Variants in NFATC3 observed in about 807,000 individuals in gnomAD.
The protein encoded by NFATC3 is nuclear factor of activated T cells 3.
In NFATC3, 46 loss-of-function variants were observed where a neutral mutation model predicts 98.6. The ratio of observed to expected loss-of-function variants is 0.47; its 90% CI spans 0.37 to 0.60. NFATC3 has a LOEUF of 0.60. NFATC3 is among the 20% of genes least tolerant of loss of function. NFATC3 has a pLI of 0.00. For synonymous variants in NFATC3, 512 were observed against 472.2 expected (o/e 1.08, Z -1.09); for missense variants, 1,256 against 1,295.5 (o/e 0.97, Z 0.47).
rs61516482 is a variant in NFATC3, at chr16:68,151,279, CTA to C, written c.1402-6587_1402-6586del. 4.7e-3 allele frequency among the ~76,000 whole-genome samples: 708 copies of C among 152,100 alleles called. 8 individuals are homozygous for C. The highest frequency in any genetic ancestry group is 0.016 in the African/African-American group (675 of 41,482). ...GACGCTTACACATGCTTGATAATGACTATAGAAGACACAGTGAAGTAGTTGGA... is the reference window on the plus strand; with the variant it reads ...GACGCTTACACATGCTTGATAATGACTAGAAGACACAGTGAAGTAGTTGGA... On this transcript the variant is annotated intron_variant, in intron 3 of 9. Coordinates refer to ENST00000346183, the MANE Select transcript of NFATC3 (RefSeq NM_173165.3).
intron 5 of NFATC3, among the ~76,000 whole-genome samples, chr16:68,171,498 G>C (rs2039459079): frequency 1.3e-5 from 2 of 148,384 alleles, no homozygotes; most frequent in South Asian, 4.3e-4. Flanking sequence ...TCTTGAGACA[G>C]AGTCTCACTC....
rs1363233475 is a variant in NFATC3 at position 68,183,337 on chromosome 16, G to A, written c.2069G>A (p.Ser690Asn). The A allele has an allele frequency of 1.2e-6, 2 of 1,613,584 alleles. No individual in the cohort carries two copies. Among genetic ancestry groups the A allele is most frequent in the South Asian group, 1.1e-5 (1 of 91,062 alleles). ...FYLCNGKRKK[S>N]QSQRFTYTPV... Reference sequence around the variant, plus strand: ...CTTTGCAATGGCAAGAGGAAAAAAAGCCAGTCTCAACGTTTTACTTATACA... The same window carrying A: ...CTTTGCAATGGCAAGAGGAAAAAAAACCAGTCTCAACGTTTTACTTATACA... The change falls in exon 8 of 10, where the codon AGC becomes AAC. Residue 690 changes from serine to asparagine, a missense_variant. Ser to Asn is a conservative substitution (Grantham distance 46, BLOSUM62 1). This residue lies in a region of NFATC3 where 636 missense variants were observed against 617.3 expected (regional missense o/e 1.03). Coordinates refer to ENST00000346183, the MANE Select transcript of NFATC3 (RefSeq NM_173165.3).
At chr16:68,164,304 T>G (rs2039077389) in intron 4 of NFATC3, among the ~76,000 whole-genome samples, 1 of 152,038 alleles carries the variant, frequency 6.6e-6, no homozygotes, top group African/African-American at 2.4e-5. Flanking sequence ...GGCAGGAGAA[T>G]CAGGCAGGGA....
chr16:68,135,760 G>A (rs1372046445), intron 3 of NFATC3, among the ~76,000 whole-genome samples: 1 of 151,946 alleles, frequency 6.6e-6, no homozygotes, highest in African/African-American at 2.4e-5. Context: ...AATAATGTTT[G>A]GGTTTTAGAA....
At chr16:68,169,581 A>T (rs796651344) in intron 5 of NFATC3, among the ~76,000 whole-genome samples, 1 of 152,162 alleles carries the variant, frequency 6.6e-6, no homozygotes, top group Non-Finnish European at 1.5e-5. Flanking sequence ...ATTTAAGTTC[A>T]TAGAGTAGTT....
chr16:68,221,196 A>T, intron 9 of NFATC3: 9 of 1,613,952 alleles, frequency 5.6e-6, no homozygotes, highest in Non-Finnish European at 7.6e-6. Context: ...TACATCATAG[A>T]TTTGTTTACC....
At chr16:68,144,782 C>T (rs746443087) in intron 3 of NFATC3, among the ~76,000 whole-genome samples, 9 of 152,080 alleles carry the variant, frequency 5.9e-5, no homozygotes, top group Non-Finnish European at 1.2e-4. Flanking sequence ...CTCAGTCTTA[C>T]GAGTAGCTGG....
At chr16:68,096,873 T>A (rs1485994037) in intron 1 of NFATC3, among the ~76,000 whole-genome samples, 1 of 152,196 alleles carries the variant, frequency 6.6e-6, no homozygotes, top group Non-Finnish European at 1.5e-5. Flanking sequence ...GAGTTTGGAT[T>A]TTAGTTTGAA....
rs2036841389 is a variant in NFATC3, at chr16:68,126,577, A to G, written c.1368A>G (p.Val456=). The G allele has an allele frequency of 1.2e-6, 2 of 1,614,084 alleles. No homozygotes were observed. The highest frequency in any genetic ancestry group is 1.3e-5 in the African/African-American group (1 of 74,940). ...AAACTGAAGGTAGCCGAGGGGCAGT[A>G]AAAGCATCTACTGGGGGACATCCTG... ...HYETEGSRGA[V]KASTGGHPVV... is the part of the protein sequence containing the mutation. The change falls in exon 3 of 10, where the codon GTA becomes GTG. Residue 456 remains valine, a synonymous_variant. Transcript: ENST00000346183.
chr16:68,181,454 A>G (rs936548534), intron 6 of NFATC3, 21 bp from the exon 7 acceptor site: 2 of 1,596,494 alleles, frequency 1.3e-6, no homozygotes, highest in Non-Finnish European at 8.6e-7. Flanking sequence ...GCTTTTAACT[A>G]TAAACTCTTT....
At position 68,166,978 on chromosome 16, in the gene NFATC3, C is replaced by T. The variant is rs991022060; in HGVS notation, c.1737C>T (p.Val579=). The change falls in exon 5 of 10, where the codon GTC becomes GTT. Residue 579 remains valine, a synonymous_variant. Transcript: ENST00000346183. ...ACATCCCACAGCCCAGTGGAAAAGT[C>T]CTTTCTCTGCAGATAGCCTCTATAC... ...RVHIPQPSGK[V]LSLQIASIPV... The T allele has an allele frequency of 8.1e-6, 13 of 1,613,982 alleles. No homozygotes were observed. The Admixed American group carries it at 1.7e-4, about 21-fold the overall frequency.
At chr16:68,150,592 A>G (rs1311564805) in intron 3 of NFATC3, among the ~76,000 whole-genome samples, 1 of 152,082 alleles carries the variant, frequency 6.6e-6, no homozygotes, top group Admixed American at 6.6e-5. Flanking sequence ...AAAAAAAAAA[A>G]GTGATATAAT....
In NFATC3 at chr16:68,085,631, G is replaced by T; in HGVS notation, c.-51G>T. The T allele has an allele frequency of 6.9e-7, 1 of 1,456,240 alleles. No individual in the cohort carries two copies. The allele number at this position is 1,456,240 out of a possible 1,614,324, so 90.2% of individuals were successfully genotyped here. A position where few individuals can be genotyped will look rare whatever the true frequency, so the allele number is the denominator to read the frequency against. On this transcript the variant is annotated 5_prime_UTR_variant, in exon 1 of 10. Transcript: ENST00000346183. ...TGAGGAGCTGCTGCCGCCGCTTGCCGCTGCCGCCGCCGCCGCCTGAGGAGG... is the reference window on the plus strand; with the variant it reads ...TGAGGAGCTGCTGCCGCCGCTTGCCTCTGCCGCCGCCGCCGCCTGAGGAGG...
intron 3 of NFATC3, among the ~76,000 whole-genome samples, chr16:68,133,527 A>G (rs573422038): frequency 6.6e-6 from 1 of 152,338 alleles, no homozygotes; most frequent in East Asian, 1.9e-4. Flanking sequence ...ACTCATAAAA[A>G]TACCACACAG....
chr16:68,138,397 G>C, intron 3 of NFATC3: 1 of 742,980 alleles, frequency 1.3e-6, no homozygotes. Flanking sequence ...TCCTTCCTTG[G>C]ATTAATCATG....
chr16:68,198,582 C>T (rs2040768324), intron 9 of NFATC3, among the ~76,000 whole-genome samples: 1 of 152,074 alleles, frequency 6.6e-6, no homozygotes, highest in Non-Finnish European at 1.5e-5. Context: ...TCCATAGAGC[C>T]TTGATTGTGA....
At chr16:68,132,515 A>G (rs903615973) in intron 3 of NFATC3, among the ~76,000 whole-genome samples, 4 of 152,200 alleles carry the variant, frequency 2.6e-5, no homozygotes, top group African/African-American at 9.7e-5. Context: ...TAAAAATAGA[A>G]CTACCATGTG....
At chr16:68,132,368 T>G (rs1230246706) in intron 3 of NFATC3, among the ~76,000 whole-genome samples, 1 of 152,142 alleles carries the variant, frequency 6.6e-6, no homozygotes, top group Non-Finnish European at 1.5e-5. Context: ...CCACACATAC[T>G]TTCATCCATC....
chr16:68,160,229 A>T (rs529743786), intron 4 of NFATC3, among the ~76,000 whole-genome samples: 1 of 152,078 alleles, frequency 6.6e-6, no homozygotes, highest in Admixed American at 6.5e-5. Flanking sequence ...TACATAACTT[A>T]TTTTGGGCAG....
Sources: allele counts gnomAD v4.1 joint callset (sites outside exome capture counted in the v4.1 genomes callset), GRCh38; gene constraint gnomAD v4.1.1; regional missense constraint gnomAD v4.1.1; transcripts MANE v1.5; gene names NCBI Gene and HGNC (gene_info 2026-07-23, HGNC 2026-07-21).